Variants in SH3BP4 observed in about 807,000 individuals in gnomAD.
SH3BP4 encodes the protein SH3 domain-binding protein 4.
A neutral mutation model predicts 65.5 loss-of-function variants in SH3BP4; 33 were observed. That is an observed-to-expected ratio of 0.50 (90% confidence interval 0.38 to 0.67). SH3BP4 has a LOEUF of 0.67. Among genes scored for constraint, SH3BP4 ranks in the 30% least tolerant of loss-of-function variants. SH3BP4 has a pLI of 0.00. For synonymous variants in SH3BP4, 552 were observed against 545.5 expected (o/e 1.01, Z -0.17); for missense variants, 1,134 against 1,261.4 (o/e 0.90, Z 1.53).
chr2:234,991,633 G>C lies in SH3BP4; in HGVS notation c.-206-3670G>C, dbSNP rs1374516649. On this transcript the variant is annotated intron_variant, in intron 1 of 5. Transcript: ENST00000392011. The surrounding 1 kb of genome is among the most constrained non-coding windows in gnomAD (Gnocchi z 4.2). ...GACTGACGGGTCCACACTGGTGTCT[G>C]GTGGTGCCCACAGGAGAACAGTGCT... Among the ~76,000 whole-genome samples the C allele has an allele frequency of 6.6e-6, 1 of 152,212 alleles. No individual in the cohort carries two copies. The highest frequency in any genetic ancestry group is 1.9e-4 in the East Asian group (1 of 5,194).
At chr2:235,024,549 A>G (rs1574829627) in intron 2 of SH3BP4, among the ~76,000 whole-genome samples, 1 of 151,904 alleles carries the variant, frequency 6.6e-6, no homozygotes, top group Non-Finnish European at 1.5e-5. Flanking sequence ...ACAGTATTAA[A>G]CCCTAGAAGC....
rs1023974445 is a variant in SH3BP4 at position 234,991,902 on chromosome 2, C to A, written c.-206-3401C>A. Among the ~76,000 whole-genome samples, 1 of 152,228 alleles carries A rather than the reference C, an allele frequency of 6.6e-6. No individual in the cohort carries two copies. The highest frequency in any genetic ancestry group is 1.5e-5 in the Non-Finnish European group (1 of 68,036). On this transcript the variant is annotated intron_variant, in intron 1 of 5. Transcript: ENST00000392011. The surrounding 1 kb of genome is among the most constrained non-coding windows in gnomAD (Gnocchi z 4.2). ...CCTGCCCAGGGTCCAGTTCTGGCGTCTCTGAGCCCCCTGTCAGGGCAGCTG... is the reference window on the plus strand; with the variant it reads ...CCTGCCCAGGGTCCAGTTCTGGCGTATCTGAGCCCCCTGTCAGGGCAGCTG...
At position 235,034,968 on chromosome 2, in the gene SH3BP4, G is replaced by A; in HGVS notation, c.-35G>A. The A allele has an allele frequency of 1.3e-6, 2 of 1,561,162 alleles. No homozygotes were observed. The highest frequency in any genetic ancestry group is 1.8e-6 in the Non-Finnish European group (2 of 1,132,990). Reference sequence around the variant, plus strand: ...GGATAACTGGAGGAAGAAATATGAAGCCTTAGCGGCTTTACCCGGGAAGCG... The same window carrying A: ...GGATAACTGGAGGAAGAAATATGAAACCTTAGCGGCTTTACCCGGGAAGCG... On this transcript the variant is annotated 5_prime_UTR_variant, in exon 3 of 6. Transcript: ENST00000392011. This position sits in a 1 kb window ranked among gnomAD's most constrained non-coding sequence, Gnocchi z 6.2.
intron 1 of SH3BP4, among the ~76,000 whole-genome samples, chr2:234,957,895 G>A (rs1279394580): frequency 6.6e-6 from 1 of 152,128 alleles, no homozygotes; most frequent in Non-Finnish European, 1.5e-5. Context: ...CTCGTAGAGG[G>A]TGAGGAAGTG....
rs779250344 is a variant in SH3BP4 at position 235,053,655 on chromosome 2, C to T, written c.2731C>T (p.Arg911Trp). 14 of 1,614,018 alleles carry T rather than the reference C, an allele frequency of 8.7e-6. No individual in the cohort carries two copies. The highest frequency in any genetic ancestry group is 4.4e-5 in the South Asian group (4 of 91,084). Residue 911 changes from arginine to tryptophan, a missense_variant, in exon 6 of 6, where the codon CGG becomes TGG. Transcript: ENST00000392011. ...GAGCCATCAGATCGGGGACAGCTAC[C>T]GGGATGTCATCCAGGAGCTGCACCT... is the stretch of plus-strand genomic sequence containing the variant. ...TWSHQIGDSY[R>W]DVIQELHLGL... is the part of the protein sequence containing the mutation.
rs1039780852 is a variant in SH3BP4 at position 235,046,056 on chromosome 2, G to A, written c.2478+2809G>A. On this transcript the variant is annotated intron_variant, in intron 4 of 5. Coordinates refer to ENST00000392011, the MANE Select transcript of SH3BP4 (RefSeq NM_014521.3). This position sits in a 1 kb window ranked among gnomAD's most constrained non-coding sequence, Gnocchi z 4.2. ...CTGGCCCTACCCATCCCAACCCTGG[G>A]GGCCACTGTGCTCTGTGCACCCCTG... Among the ~76,000 whole-genome samples, 7 of 152,098 alleles carry A rather than the reference G, an allele frequency of 4.6e-5. No individual in the cohort carries two copies. Among genetic ancestry groups the A allele is most frequent in the Admixed American group, 3.3e-4 (5 of 15,278 alleles).
chr2:235,030,539 C>T lies in SH3BP4; in HGVS notation c.-132-4332C>T, dbSNP rs978378361. 2.0e-5 allele frequency among the ~76,000 whole-genome samples: 3 copies of T among 151,836 alleles called. No homozygotes were observed. Among genetic ancestry groups the T allele is most frequent in the African/African-American group, 4.8e-5 (2 of 41,328 alleles). On this transcript the variant is annotated intron_variant, in intron 2 of 5. Coordinates refer to ENST00000392011, the MANE Select transcript of SH3BP4 (RefSeq NM_014521.3). This position sits in a 1 kb window ranked among gnomAD's most constrained non-coding sequence, Gnocchi z 4.1. ...AGCGTCCACGTCTGTTGTTAGATGCCGTTAGAATCCATCGGGGGAAGTGGG... is the reference window on the plus strand; with the variant it reads ...AGCGTCCACGTCTGTTGTTAGATGCTGTTAGAATCCATCGGGGGAAGTGGG...
At position 234,952,086 on chromosome 2, in the gene SH3BP4, C is replaced by T. The variant is rs1400845830; in HGVS notation, c.-291C>T. On this transcript the variant is annotated 5_prime_UTR_variant, in exon 1 of 6. Transcript: ENST00000392011. The surrounding 1 kb of genome is among the most constrained non-coding windows in gnomAD (Gnocchi z 6.5). ...GCCGCCGCCGCCGCCGTGAGTCCCG[C>T]GGAGCCGCGCGCGCCCCCGGCTGGG... The T allele has an allele frequency of 6.7e-6, 1 of 148,402 alleles. No homozygotes were observed. The highest frequency in any genetic ancestry group is 1.5e-5 in the Non-Finnish European group (1 of 66,366). The allele number at this position is 148,402 out of a possible 1,614,324, so 9.2% of individuals were successfully genotyped here. A position where few individuals can be genotyped will look rare whatever the true frequency, so the allele number is the denominator to read the frequency against.
chr2:234,982,453 C>T (rs6721314), intron 1 of SH3BP4, among the ~76,000 whole-genome samples: 42,294 of 152,062 alleles, frequency 0.28, 6,478 homozygotes, highest in East Asian at 0.59. Context: ...GTCTATAGGT[C>T]TCAAAGCCCA....
chr2:234,988,825 A>G (rs1486852167), intron 1 of SH3BP4, among the ~76,000 whole-genome samples: 1 of 152,186 alleles, frequency 6.6e-6, no homozygotes, highest in Non-Finnish European at 1.5e-5. Flanking sequence ...TAGGTTTAAC[A>G]CAGGAGAGAG....
chr2:235,007,979 G>T (rs1191744795), intron 2 of SH3BP4, among the ~76,000 whole-genome samples: 1 of 152,198 alleles, frequency 6.6e-6, no homozygotes, highest in African/African-American at 2.4e-5. Context: ...AGGACCAGCC[G>T]TTGGGGGTGG....
chr2:235,028,656 C>G (rs868122645), intron 2 of SH3BP4, among the ~76,000 whole-genome samples: 1 of 152,152 alleles, frequency 6.6e-6, no homozygotes, highest in East Asian at 1.9e-4. Flanking sequence ...CTCAGATTCT[C>G]ATGGAGAAAT....
At chr2:235,006,640 A>G (rs181262324) in intron 2 of SH3BP4, among the ~76,000 whole-genome samples, 7 of 152,294 alleles carry the variant, frequency 4.6e-5, no homozygotes, top group Admixed American at 2.6e-4. Flanking sequence ...GGGGCCACCC[A>G]GCCTAGATTT....
chr2:235,040,853 G>T (rs1695608668), intron 3 of SH3BP4, 35 bp from the exon 4 acceptor site: 1 of 1,586,160 alleles, frequency 6.3e-7, no homozygotes, highest in African/African-American at 1.3e-5. Flanking sequence ...CGCCGGCCTT[G>T]CCCTCACCAT....
rs552687197 is a variant in SH3BP4, at chr2:234,952,471, C to T, written c.-207+301C>T. 3.6e-3 allele frequency among the ~76,000 whole-genome samples: 545 copies of T among 151,466 alleles called. 5 individuals are homozygous for T. Among genetic ancestry groups the T allele is most frequent in the African/African-American group, 0.013 (520 of 41,420 alleles). The stretch of plus-strand genomic sequence containing the variant: ...CGCAGCCCTCCGCGTGCGCTCGGGC[C>T]GCCCCCCAACCCCGGCTCTGGCCAC... On this transcript the variant is annotated intron_variant, in intron 1 of 5. Transcript: ENST00000392011. The surrounding 1 kb of genome is among the most constrained non-coding windows in gnomAD (Gnocchi z 6.5).
chr2:234,986,788 A>G (rs1168071285), intron 1 of SH3BP4, among the ~76,000 whole-genome samples: 4 of 150,706 alleles, frequency 2.7e-5, no homozygotes, highest in Admixed American at 6.6e-5. Context: ...ATCAACTAGG[A>G]TACATTATGC....
intron 1 of SH3BP4, among the ~76,000 whole-genome samples, chr2:234,958,661 G>C (rs531735735): frequency 2.6e-5 from 4 of 151,824 alleles, no homozygotes; most frequent in Non-Finnish European, 5.9e-5. Context: ...AGTGCCCTGC[G>C]GGGCCCTGAA....
chr2:235,028,067 T>C (rs980376552), intron 2 of SH3BP4, among the ~76,000 whole-genome samples: 5 of 152,214 alleles, frequency 3.3e-5, no homozygotes, highest in Non-Finnish European at 7.3e-5. Context: ...GACGCTGCCC[T>C]CTTGGTTCCT....
intron 2 of SH3BP4, among the ~76,000 whole-genome samples, chr2:235,007,400 C>G (rs1694329233): frequency 6.6e-6 from 1 of 152,140 alleles, no homozygotes; most frequent in South Asian, 2.1e-4. Flanking sequence ...CCCAGCCCCC[C>G]AGGGACACTT....
Sources: allele counts gnomAD v4.1 joint callset (sites outside exome capture counted in the v4.1 genomes callset), GRCh38; gene constraint gnomAD v4.1.1; non-coding constraint Gnocchi (gnomAD v3.1); transcripts MANE v1.5; gene names NCBI Gene and HGNC (gene_info 2026-07-23, HGNC 2026-07-21).